WDR45B: variants seen among roughly 807,000 people sequenced by gnomAD.
WDR45B encodes the protein WD repeat domain 45B.
In WDR45B, 20 loss-of-function variants were observed where a neutral mutation model predicts 44.6. The observed-to-expected ratio is 0.45, with a 90% confidence interval of 0.32 to 0.65. The LOEUF is 0.65. Among genes scored for constraint, WDR45B ranks in the 30% least tolerant of loss-of-function variants. The pLI, the probability that WDR45B is intolerant of heterozygous loss-of-function variation, is 0.05. For synonymous variants in WDR45B, 169 were observed against 164.9 expected (o/e 1.02, Z -0.19); for missense variants, 323 against 430.2 (o/e 0.75, Z 2.20).
At chr17:82,628,965 A>C (rs996101713) in intron 3 of WDR45B, among the ~76,000 whole-genome samples, 3 of 152,162 alleles carry the variant, frequency 2.0e-5, no homozygotes, top group Non-Finnish European at 2.9e-5. Flanking sequence ...GCGCAACTGC[A>C]TTCCAGCCTG....
chr17:82,643,637 T>C (rs749679770), intron 2 of WDR45B, among the ~76,000 whole-genome samples: 7 of 152,138 alleles, frequency 4.6e-5, no homozygotes, highest in Non-Finnish European at 7.3e-5. Context: ...CAGGTAAGAC[T>C]TTACTTGAAA....
chr17:82,647,652 T>TGGGGGTGGGGAGA (rs2045996548), intron 1 of WDR45B, among the ~76,000 whole-genome samples: 1 of 144,046 alleles, frequency 6.9e-6, no homozygotes, highest in African/African-American at 2.6e-5. Flanking sequence ...TCCCGGGGAG[T>TGGGGGTGGGGAGA]GGGGGTGGGG....
chr17:82,627,341 G>T, intron 3 of WDR45B, 50 bp from the exon 4 acceptor site: 1 of 1,475,578 alleles, frequency 6.8e-7, no homozygotes, highest in Non-Finnish European at 9.4e-7. Context: ...AGGCCATGGC[G>T]CTGGGATGCA....
intron 8 of WDR45B, among the ~76,000 whole-genome samples, chr17:82,616,974 C>T (rs1280801075): frequency 2.6e-5 from 4 of 152,088 alleles, no homozygotes; most frequent in Non-Finnish European, 2.9e-5. Flanking sequence ...CCCGCCACCA[C>T]GCCCGGCTAG....
At chr17:82,643,750 G>A (rs1320956699) in intron 2 of WDR45B, among the ~76,000 whole-genome samples, 199 bp downstream of exon 2, 1 of 152,112 alleles carries the variant, frequency 6.6e-6, no homozygotes, top group Non-Finnish European at 1.5e-5. Context: ...GAACAAACCT[G>A]CTCAACACCT....
intron 3 of WDR45B, chr17:82,629,774 G>A: frequency 1.0e-6 from 1 of 985,538 alleles, no homozygotes; most frequent in Non-Finnish European, 1.2e-6. Context: ...CGAGTCATCT[G>A]GAACCTTCTG....
At chr17:82,635,545 C>T (rs1041734034) in intron 2 of WDR45B, among the ~76,000 whole-genome samples, 1 of 151,184 alleles carries the variant, frequency 6.6e-6, no homozygotes, top group African/African-American at 2.4e-5. Flanking sequence ...CCTGCCTCAG[C>T]CTCCCAAGTA....
chr17:82,640,351 TTC>T (rs2045897795), intron 2 of WDR45B, among the ~76,000 whole-genome samples: 1 of 148,976 alleles, frequency 6.7e-6, no homozygotes, highest in Non-Finnish European at 1.5e-5. Flanking sequence ...TGGGATTTTT[TTC>T]TTTTTTTTTT....
Position 82,646,488 on chromosome 17 carries a change from C to CAAAA in WDR45B, c.67+1782_67+1785dup, listed in dbSNP as rs779661551. ...GGCAACAAGAGCGAAAACTCCGTCT[C>CAAAA]AAAAAAAAAAAAAAAAAAAAAAAAC... On this transcript the variant is annotated intron_variant, in intron 1 of 9. Transcript: ENST00000392325. Among the ~76,000 whole-genome samples the CAAAA allele has an allele frequency of 7.2e-3, 143 of 19,928 alleles. 2 individuals carry two copies. The highest frequency in any genetic ancestry group is 0.022 in the Middle Eastern group (1 of 46). 13.1% of individuals were successfully genotyped at this position (19,928 alleles called of 152,430 possible). A position where few individuals can be genotyped will look rare whatever the true frequency, so the allele number is the denominator to read the frequency against.
intron 5 of WDR45B, among the ~76,000 whole-genome samples, chr17:82,624,132 A>G (rs1323755131): frequency 1.3e-5 from 2 of 152,154 alleles, no homozygotes; most frequent in East Asian, 3.8e-4. Flanking sequence ...CCTCCTTCCT[A>G]ATAGCCAAAA....
intron 3 of WDR45B, among the ~76,000 whole-genome samples, chr17:82,630,683 C>T (rs926968953): frequency 1.3e-5 from 2 of 152,200 alleles, no homozygotes; most frequent in Admixed American, 6.5e-5. Flanking sequence ...GCCCGTTTTC[C>T]GTTTACTGAC....
intron 2 of WDR45B, among the ~76,000 whole-genome samples, chr17:82,631,888 T>C (rs868231674): frequency 1.7e-4 from 26 of 151,654 alleles, no homozygotes; most frequent in Admixed American, 3.3e-4. Flanking sequence ...ACTGAGACCA[T>C]CTGGGCCAAC....
chr17:82,645,284 C>G (rs1485405182), intron 1 of WDR45B, among the ~76,000 whole-genome samples: 1 of 148,254 alleles, frequency 6.7e-6, no homozygotes, highest in African/African-American at 2.5e-5. Flanking sequence ...GGCAACACAG[C>G]AAGACTCCGT....
rs370464024 is a variant in WDR45B, at chr17:82,621,651, T to G, written c.576A>C (p.Ala192=). 8.1e-6 allele frequency: 13 copies of G among 1,614,046 alleles called. No homozygotes were observed. The highest frequency in any genetic ancestry group is 1.6e-4 in the Middle Eastern group (1 of 6,084). ...PAHEGVLSCI[A]LNLQGTRIAT... ...CAATTCTTGTTCCCTGCAGGTTGAG[T>G]GCAATGCAGCTCAGGACACCCTCGT... is the stretch of plus-strand genomic sequence containing the variant. The change falls in exon 6 of 10, where the codon GCA becomes GCC. Residue 192 remains alanine (A), a synonymous_variant. Transcript: ENST00000392325.
rs745944554 is a variant in WDR45B at position 82,621,745 on chromosome 17, G to A, written c.482C>T (p.Thr161Met). 21 of 1,614,070 alleles carry A rather than the reference G, an allele frequency of 1.3e-5. No homozygotes were observed. The highest frequency in any genetic ancestry group is 4.5e-5 in the East Asian group (2 of 44,894). The change falls in exon 6 of 10, where the codon ACG (threonine) becomes ATG (methionine). Residue 161 changes from threonine to methionine, a missense_variant. Physicochemically the swap from Thr to Met is moderately conservative, Grantham distance 81. Coordinates refer to ENST00000392325, the MANE Select transcript of WDR45B (RefSeq NM_019613.4). ...CACAAGCTGCACATGGCCCGTGTGC[G>A]TGCCCGGAAAGGCCAGGAGGGAGTT... ...SNNSLLAFPG[T>M]HTGHVQLVDL...
chr17:82,632,197 T>C (rs1331052738), intron 2 of WDR45B, among the ~76,000 whole-genome samples: 1 of 151,984 alleles, frequency 6.6e-6, no homozygotes, highest in Non-Finnish European at 1.5e-5. Flanking sequence ...GGTCTTGCTG[T>C]GTTGCTCAGG....
intron 2 of WDR45B, among the ~76,000 whole-genome samples, chr17:82,642,282 C>G (rs2045927352): frequency 6.6e-6 from 1 of 152,194 alleles, no homozygotes; most frequent in Admixed American, 6.5e-5. Context: ...GCATACGATT[C>G]TCACAGAAGC....
chr17:82,626,920 G>A, intron 4 of WDR45B: 1 of 494,590 alleles, frequency 2.0e-6, no homozygotes, highest in Non-Finnish European at 3.7e-6. Context: ...ATGTCGGAAT[G>A]GGACATAACT....
In WDR45B at chr17:82,618,614, G is replaced by C. The variant is rs1012755968; in HGVS notation, c.704+429C>G. Among the ~76,000 whole-genome samples, 6 of 152,304 alleles carry C rather than the reference G, an allele frequency of 3.9e-5. No homozygotes were observed. The South Asian group carries it at 1.2e-3, about 32-fold the overall frequency. Reference sequence around the variant, plus strand: ...TAGCCGGGCGTGGTGGTGCACAACTGTGGTCCCAGCTGCTCAGGAGGCTGA... The same window carrying C: ...TAGCCGGGCGTGGTGGTGCACAACTCTGGTCCCAGCTGCTCAGGAGGCTGA... On this transcript the variant is annotated intron_variant, in intron 7 of 9. Coordinates refer to ENST00000392325, the MANE Select transcript of WDR45B (RefSeq NM_019613.4).
Sources: allele counts gnomAD v4.1 joint callset (sites outside exome capture counted in the v4.1 genomes callset), GRCh38; gene constraint gnomAD v4.1.1; transcripts MANE v1.5; gene names NCBI Gene and HGNC (gene_info 2026-07-23, HGNC 2026-07-21).